Variants in SPATS2L observed in about 807,000 individuals in gnomAD.
The protein encoded by SPATS2L is spermatogenesis associated serine rich 2 like, also known as SPATS2-like protein.
SPATS2L carries 30 observed loss-of-function variants against 59.6 expected under a neutral mutation model. The observed-to-expected ratio is 0.50, with a 90% CI of 0.38 to 0.68. SPATS2L has a LOEUF of 0.68. Among genes scored for constraint, SPATS2L ranks in the 30% least tolerant of loss-of-function variants. The pLI is 0.00. For synonymous variants in SPATS2L, 252 were observed against 263.5 expected, an observed-to-expected ratio of 0.96 and a Z score of 0.42; for missense variants, 615 against 700.0, an observed-to-expected ratio of 0.88 and a Z score of 1.37.
At chr2:200,347,318 A>G (rs2080547337) in intron 2 of SPATS2L, among the ~76,000 whole-genome samples, 1 of 152,132 alleles carries the variant, frequency 6.6e-6, no homozygotes, top group African/African-American at 2.4e-5. Flanking sequence ...CAACACAGAG[A>G]TCACTAGGTG....
At chr2:200,330,525 T>C (rs1205553676) in intron 2 of SPATS2L, among the ~76,000 whole-genome samples, 1 of 152,244 alleles carries the variant, frequency 6.6e-6, no homozygotes, top group Non-Finnish European at 1.5e-5. Context: ...GTTGATTTTC[T>C]GTCTTTCTGT....
intron 4 of SPATS2L, among the ~76,000 whole-genome samples, chr2:200,415,485 C>G (rs2083023379): frequency 6.6e-6 from 1 of 152,112 alleles, no homozygotes; most frequent in South Asian, 2.1e-4. Flanking sequence ...AAGAGCTACT[C>G]TCTTTTAGAA....
intron 3 of SPATS2L, among the ~76,000 whole-genome samples, chr2:200,403,836 T>TCAAGGTCATTTCCTATCTCATTTC (rs375928284): frequency 0.022 from 3,307 of 152,246 alleles, 121 homozygotes; most frequent in African/African-American, 0.076. Context: ...CCATCATTCA[T>TCAAGGTCATTTCCTATCTCATTTC]CAAGGTCATT....
At chr2:200,318,126 G>T (rs570489710) in intron 1 of SPATS2L, among the ~76,000 whole-genome samples, 8 of 152,348 alleles carry the variant, frequency 5.3e-5, no homozygotes, top group African/African-American at 1.9e-4. Context: ...CAGAGAGTCT[G>T]ATCTCACATA....
intron 2 of SPATS2L, among the ~76,000 whole-genome samples, chr2:200,349,527 A>G (rs1221254962): frequency 6.6e-6 from 1 of 152,224 alleles, no homozygotes; most frequent in African/African-American, 2.4e-5. Context: ...AATCTCAGCT[A>G]CTTGGAAGTC....
intron 2 of SPATS2L, among the ~76,000 whole-genome samples, chr2:200,358,489 G>A (rs62179522): frequency 0.087 from 13,186 of 152,270 alleles, 776 homozygotes; most frequent in Non-Finnish European, 0.13. Context: ...GCAAAGGTAC[G>A]TGAATTTAAT....
rs116545509 is a variant in SPATS2L at position 200,314,495 on chromosome 2, T to C, written c.-73+7573T>C. ...CTGCCTTTCTAAAAGGCAAATCTGA[T>C]TACAACTCTCCACTGCTTAAAATCC... is the stretch of plus-strand genomic sequence containing the variant. On this transcript the variant is annotated intron_variant, in intron 1 of 12. Transcript: ENST00000409140. Among the ~76,000 whole-genome samples, 807 of 124,776 alleles carry C rather than the reference T, an allele frequency of 6.5e-3. 11 individuals carry two copies. Among genetic ancestry groups the C allele is most frequent in the African/African-American group, 0.018 (719 of 39,376 alleles). 81.9% of individuals were successfully genotyped at this position (124,776 alleles called of 152,430 possible).
At chr2:200,438,396 C>T (rs1038444723) in intron 6 of SPATS2L, among the ~76,000 whole-genome samples, 5 of 152,180 alleles carry the variant, frequency 3.3e-5, no homozygotes, top group Non-Finnish European at 7.3e-5. Context: ...GATACATTTC[C>T]GTTTCAGGCC....
At position 200,477,784 on chromosome 2, in the gene SPATS2L, A is replaced by AT; in HGVS notation, c.1430_1431insT (p.Gly478ArgfsTer29). On this transcript the variant is annotated frameshift_variant, in exon 13 of 13. Coordinates refer to ENST00000409140, the MANE Select transcript of SPATS2L (RefSeq NM_001100423.2). LOFTEE classifies it high-confidence loss of function. ...CACGAACACAGAAGACAGCCGCACA[A>AT]CGGCTTCCGGCCCAAAAACAAAGGC... 6.3e-7 allele frequency: 1 copy of AT among 1,578,044 alleles called. No homozygotes were observed. The highest frequency in any genetic ancestry group is 8.6e-7 in the Non-Finnish European group (1 of 1,161,780).
chr2:200,355,264 G>A (rs1260593719), intron 2 of SPATS2L, among the ~76,000 whole-genome samples: 3 of 152,232 alleles, frequency 2.0e-5, no homozygotes, highest in Admixed American at 2.0e-4. Flanking sequence ...CTGTGCAAAA[G>A]ACACAGTTAG....
chr2:200,351,468 C>A (rs2080727075), intron 2 of SPATS2L, among the ~76,000 whole-genome samples: 1 of 152,114 alleles, frequency 6.6e-6, no homozygotes, highest in Non-Finnish European at 1.5e-5. Flanking sequence ...TTGCCGAGAA[C>A]TAAACTGTCC....
At chr2:200,472,050 G>A (rs1193098475) in intron 11 of SPATS2L, among the ~76,000 whole-genome samples, 2 of 152,136 alleles carry the variant, frequency 1.3e-5, no homozygotes, top group African/African-American at 2.4e-5. Flanking sequence ...CAAAACCAGG[G>A]GGAATGGTCA....
intron 2 of SPATS2L, among the ~76,000 whole-genome samples, chr2:200,344,305 G>A (rs1399671671): frequency 6.6e-6 from 1 of 152,112 alleles, no homozygotes; most frequent in Non-Finnish European, 1.5e-5. Context: ...CCACTTATAA[G>A]TGAGAACACA....
intron 2 of SPATS2L, chr2:200,372,158 C>T: frequency 7.1e-6 from 7 of 985,440 alleles, no homozygotes; most frequent in East Asian, 1.1e-4. Flanking sequence ...CTAGTTGCCT[C>T]ATGGGAAACT....
chr2:200,430,340 TA>T (rs2083834672), intron 6 of SPATS2L, among the ~76,000 whole-genome samples: 1 of 152,176 alleles, frequency 6.6e-6, no homozygotes, highest in South Asian at 2.1e-4. Context: ...TGTAAGTTGC[TA>T]TGTTGCTTTT....
intron 2 of SPATS2L, among the ~76,000 whole-genome samples, chr2:200,348,675 C>A (rs2080603628): frequency 6.6e-6 from 1 of 152,042 alleles, no homozygotes; most frequent in African/African-American, 2.4e-5. Context: ...ACCAGTAGAT[C>A]ACTAAGCTCT....
chr2:200,435,962 A>C (rs1031505071), intron 6 of SPATS2L, among the ~76,000 whole-genome samples: 2 of 152,214 alleles, frequency 1.3e-5, no homozygotes, highest in African/African-American at 4.8e-5. Flanking sequence ...GTAATATTTT[A>C]AATTTTTTAT....
intron 2 of SPATS2L, among the ~76,000 whole-genome samples, chr2:200,369,268 C>T (rs929880417): frequency 4.6e-5 from 7 of 152,182 alleles, no homozygotes; most frequent in Admixed American, 1.3e-4. Flanking sequence ...AGGCAATTCT[C>T]CTGCCTCAGC....
chr2:200,422,729 A>G (rs2083365654), intron 6 of SPATS2L, among the ~76,000 whole-genome samples: 1 of 152,058 alleles, frequency 6.6e-6, no homozygotes, highest in Non-Finnish European at 1.5e-5. Flanking sequence ...AGGTTCCAGG[A>G]CCCCTAGTGG....
Sources: allele counts gnomAD v4.1 joint callset (sites outside exome capture counted in the v4.1 genomes callset), GRCh38; gene constraint gnomAD v4.1.1; transcripts MANE v1.5; gene names NCBI Gene and HGNC (gene_info 2026-07-23, HGNC 2026-07-21).